ATRNL1: variants seen among roughly 807,000 people sequenced by gnomAD.
The protein encoded by ATRNL1 is attractin-like protein 1.
Under a neutral mutation model 182.7 loss-of-function variants are expected in ATRNL1, and 95 were observed. That is an observed-to-expected ratio of 0.52 (90% CI 0.44 to 0.62). The LOEUF (loss-of-function observed/expected upper bound fraction) is 0.62. Among genes scored for constraint, ATRNL1 ranks in the 20% least tolerant of loss-of-function variants. ATRNL1 has a pLI of 0.00. For missense variants in ATRNL1, 1,471 were observed against 1,679.5 expected (o/e 0.88, Z 2.17); for synonymous variants, 576 against 568.3 (o/e 1.01, Z -0.19).
At chr10:115,338,479 G>T (rs974927365) in intron 19 of ATRNL1, among the ~76,000 whole-genome samples, 1 of 152,150 alleles carries the variant, frequency 6.6e-6, no homozygotes, top group East Asian at 1.9e-4. Flanking sequence ...GATGATCCAT[G>T]ATTTTGAGCA....
chr10:115,322,089 A>T (rs1419769699), intron 18 of ATRNL1, among the ~76,000 whole-genome samples: 4 of 152,108 alleles, frequency 2.6e-5, no homozygotes, highest in African/African-American at 9.7e-5. Flanking sequence ...TTTAACATAT[A>T]CATTTTAACT....
intron 10 of ATRNL1, among the ~76,000 whole-genome samples, chr10:115,260,114 C>T (rs7918291): frequency 0.012 from 1,787 of 152,186 alleles, 34 homozygotes; most frequent in African/African-American, 0.04. Flanking sequence ...TTATTATTTG[C>T]CTAAATTAAT....
intron 8 of ATRNL1, among the ~76,000 whole-genome samples, chr10:115,190,930 C>T (rs1848145926): frequency 6.6e-6 from 1 of 152,034 alleles, no homozygotes; most frequent in Admixed American, 6.6e-5. Context: ...TCCATAAATT[C>T]AACAATTTTT....
At chr10:115,157,935 A>G (rs935343482) in intron 5 of ATRNL1, among the ~76,000 whole-genome samples, 7 of 152,000 alleles carry the variant, frequency 4.6e-5, no homozygotes, top group Admixed American at 6.6e-5. Context: ...AGTGTTCTCT[A>G]TCAAACTCTT....
chr10:115,558,572 C>CT (rs1401934539), intron 26 of ATRNL1, among the ~76,000 whole-genome samples: 5 of 151,982 alleles, frequency 3.3e-5, no homozygotes, highest in African/African-American at 9.7e-5. Flanking sequence ...GGAGAGGGTT[C>CT]TTTTTTTCTT....
intron 24 of ATRNL1, among the ~76,000 whole-genome samples, chr10:115,486,350 A>G (rs144390823): frequency 1.3e-5 from 2 of 152,246 alleles, no homozygotes; most frequent in East Asian, 3.9e-4. Flanking sequence ...GAACTAATTT[A>G]CACTCCCATC....
chr10:115,390,019 C>T (rs1843939986), intron 19 of ATRNL1, among the ~76,000 whole-genome samples: 1 of 151,912 alleles, frequency 6.6e-6, no homozygotes, highest in Non-Finnish European at 1.5e-5. Context: ...TTATTTAGGT[C>T]CTTTGTCCAT....
At chr10:115,592,015 G>T (rs138576187) in intron 26 of ATRNL1, among the ~76,000 whole-genome samples, 39 of 152,270 alleles carry the variant, frequency 2.6e-4, no homozygotes, top group African/African-American at 8.4e-4. Flanking sequence ...ATCATGCCCT[G>T]TGCAGCAGCA....
At chr10:115,286,509 T>C in intron 15 of ATRNL1, 112 bp downstream of exon 15, 1 of 618,474 alleles carries the variant, frequency 1.6e-6, no homozygotes, top group Non-Finnish European at 2.6e-6. Flanking sequence ...GAAATAAAAG[T>C]GAAATTGATT....
chr10:115,122,763 G>T (rs907966114), intron 3 of ATRNL1, among the ~76,000 whole-genome samples: 3 of 152,022 alleles, frequency 2.0e-5, no homozygotes, highest in Non-Finnish European at 4.4e-5. Context: ...CTTATTCTAT[G>T]ATATTGCTAT....
At chr10:115,669,304 A>G (rs918540394) in intron 26 of ATRNL1, among the ~76,000 whole-genome samples, 2 of 152,122 alleles carry the variant, frequency 1.3e-5, no homozygotes, top group African/African-American at 4.8e-5. Flanking sequence ...ATATTTATAA[A>G]TGGGATATAG....
At chr10:115,771,921 A>G (rs534009532) in intron 27 of ATRNL1, among the ~76,000 whole-genome samples, 61 of 152,350 alleles carry the variant, frequency 4.0e-4, no homozygotes, top group African/African-American at 1.4e-3. Flanking sequence ...GATGTTTTAG[A>G]CAGCTTAATG....
chr10:115,334,535 G>A, intron 19 of ATRNL1, 116 bp downstream of exon 19: 1 of 633,198 alleles, frequency 1.6e-6, no homozygotes, highest in East Asian at 3.2e-5. Flanking sequence ...CTCAGTTTTA[G>A]TATGTTTTCT....
At chr10:115,588,888 G>C (rs1482315548) in intron 26 of ATRNL1, among the ~76,000 whole-genome samples, 1 of 152,226 alleles carries the variant, frequency 6.6e-6, no homozygotes, top group Non-Finnish European at 1.5e-5. Flanking sequence ...CCTTGGGACA[G>C]AATGGTAGAT....
chr10:115,804,633 A>G (rs1949876762), intron 27 of ATRNL1, among the ~76,000 whole-genome samples: 1 of 152,196 alleles, frequency 6.6e-6, no homozygotes, highest in South Asian at 2.1e-4. Context: ...AGTTTATGCT[A>G]AATTGTTATG....
rs78052322 is a variant in ATRNL1 at position 115,412,815 on chromosome 10, C to T, written c.3270-13435C>T. Among the ~76,000 whole-genome samples the T allele has an allele frequency of 1.7e-3, 266 of 152,248 alleles. 8 individuals carry two copies. In the East Asian group the frequency reaches 0.04, roughly 23 times the overall value. On this transcript the variant is annotated intron_variant, in intron 20 of 28. Transcript: ENST00000355044. ...AATGAGTTAAACTATTTTAATTGAT[C>T]TGAGTAATTTACATTTTATATCTGC...
chr10:115,506,614 A>G (rs1554981353), intron 24 of ATRNL1, among the ~76,000 whole-genome samples: 1 of 152,106 alleles, frequency 6.6e-6, no homozygotes, highest in Non-Finnish European at 1.5e-5. Context: ...ATCATCATGG[A>G]AACAGAAAAT....
At chr10:115,936,214 G>A (rs78691277) in intron 28 of ATRNL1, among the ~76,000 whole-genome samples, 164 of 152,264 alleles carry the variant, frequency 1.1e-3, no homozygotes, top group African/African-American at 3.9e-3. Flanking sequence ...TGAGGATGAC[G>A]GTGATGATGA....
chr10:115,228,982 G>T (rs1849815479), intron 9 of ATRNL1, among the ~76,000 whole-genome samples: 1 of 151,754 alleles, frequency 6.6e-6, no homozygotes, highest in African/African-American at 2.4e-5. Context: ...GGCCAGGCTG[G>T]TCTCGAACTC....
Sources: gnomAD v4.1 joint callset for allele counts (sites outside exome capture counted in the v4.1 genomes callset) on GRCh38, gnomAD v4.1.1 for gene constraint, MANE v1.5 for transcripts, NCBI Gene and HGNC (gene_info 2026-07-23, HGNC 2026-07-21) for gene names.